Variants in AVIL observed in about 807,000 individuals in gnomAD.
AVIL encodes the protein advillin.
In AVIL, 78 loss-of-function variants were observed where a neutral mutation model predicts 109.9. That is an observed-to-expected ratio of 0.71 (90% CI 0.59 to 0.86). The LOEUF is 0.86. Ranked by LOEUF, AVIL falls within the 40% of genes least tolerant of loss-of-function variation. The pLI is 0.00. For missense variants in AVIL, 892 were observed against 1,016.5 expected (o/e 0.88, Z 1.67); for synonymous variants, 367 against 379.1 (o/e 0.97, Z 0.37).
In AVIL at chr12:57,803,599, G is replaced by C; in HGVS notation, c.1742C>G (p.Thr581Ser). ...ASLLCDGSENTVAEGQEPAEF... is the reference protein window; with the variant it reads ...ASLLCDGSENSVAEGQEPAEF... ...GGCTGGCTCCTGGCCCTCGGCCACA[G>C]TGTTCTCGCTGCCATCACAGAGAAG... The change falls in exon 15 of 20, where the codon ACT becomes AGT. Residue 581 changes from threonine (T) to serine (S), a missense_variant. Transcript: ENST00000549994. 1 of 1,614,160 alleles carries C rather than the reference G, an allele frequency of 6.2e-7. No individual in the cohort carries two copies. The highest frequency in any genetic ancestry group is 8.5e-7 in the Non-Finnish European group (1 of 1,180,032).
At position 57,803,249 on chromosome 12, in the gene AVIL, G is replaced by A; in HGVS notation, c.1960C>T (p.Gln654Ter). Reference sequence around the variant, plus strand: ...TGACTTCTGCAGCTGTGTCTTACCTGGTCCCAGGTATCTAGGAGCATCACG... The same window carrying A: ...TGACTTCTGCAGCTGTGTCTTACCTAGTCCCAGGTATCTAGGAGCATCACG... ...TDVMLLDTWDQVFLWIGAEAN... is the reference protein window; with the variant it reads ...TDVMLLDTWD The change falls in exon 16 of 20, where the codon CAG becomes TAG. Residue 654 changes from glutamine to a stop codon, truncating the protein, a stop_gained and splice_region_variant. Coordinates refer to ENST00000549994, the MANE Select transcript of AVIL (RefSeq NM_006576.4). LOFTEE classifies it high-confidence loss of function. The A allele has an allele frequency of 6.2e-7, 1 of 1,614,010 alleles. No individual in the cohort carries two copies. The highest frequency in any genetic ancestry group is 1.1e-5 in the South Asian group (1 of 91,078).
At chr12:57,800,038 ATCTT>A in intron 18 of AVIL, 118 bp from the exon 19 acceptor site, 14 of 1,328,048 alleles carry the variant, frequency 1.1e-5, no homozygotes, top group Non-Finnish European at 1.3e-5. Flanking sequence ...CTCTGTAATC[ATCTT>A]TGATAACAAT....
At chr12:57,798,259 G>A (rs973851495) in intron 19 of AVIL, among the ~76,000 whole-genome samples, 3 of 152,212 alleles carry the variant, frequency 2.0e-5, no homozygotes, top group African/African-American at 7.2e-5. Flanking sequence ...CTTGCCAGAA[G>A]GCAATAAATG....
Position 57,797,674 on chromosome 12 carries a change from A to C in AVIL, c.*208T>G. Reference sequence around the variant, plus strand: ...CTTTAGCTAGAGGGCCACAAAACCCAAAAACTATATGGTTAACATTTTAGG... The same window carrying C: ...CTTTAGCTAGAGGGCCACAAAACCCCAAAACTATATGGTTAACATTTTAGG... On this transcript the variant is annotated 3_prime_UTR_variant, in exon 20 of 20. Coordinates refer to ENST00000549994, the MANE Select transcript of AVIL (RefSeq NM_006576.4). 2 of 720,762 alleles carry C rather than the reference A, an allele frequency of 2.8e-6. No individual in the cohort carries two copies. Among genetic ancestry groups the C allele is most frequent in the Non-Finnish European group, 1.8e-6 (1 of 552,486 alleles). 44.6% of individuals were successfully genotyped at this position (720,762 alleles called of 1,614,324 possible). A position where few individuals can be genotyped will look rare whatever the true frequency, so the allele number is the denominator to read the frequency against.
rs1361311415 is a variant in AVIL at position 57,808,520 on chromosome 12, C to T, written c.968G>A (p.Ser323Asn). Residue 323 changes from serine (S) to asparagine (N), a missense_variant, in exon 10 of 20, where the codon AGC becomes AAC. Coordinates refer to ENST00000549994, the MANE Select transcript of AVIL (RefSeq NM_006576.4). ...GTTGACGGTCTCCACATTGGTGCTG[C>T]TGGGGTAGCTCTTCATCTTGATGAA... ...LGFIKMKSYP[S>N]STNVETVNDG... The T allele has an allele frequency of 6.2e-7, 1 of 1,614,022 alleles. No homozygotes were observed. The highest frequency in any genetic ancestry group is 1.3e-5 in the African/African-American group (1 of 74,910).
intron 16 of AVIL, 24 bp from the exon 17 acceptor site, chr12:57,802,372 A>G (rs368156538): frequency 6.3e-7 from 1 of 1,588,142 alleles, no homozygotes; most frequent in Non-Finnish European, 8.6e-7. Context: ...GATTTAATAT[A>G]TGTTACTGTG....
intron 19 of AVIL, among the ~76,000 whole-genome samples, chr12:57,798,866 C>T (rs1429854688): frequency 3.3e-5 from 5 of 152,128 alleles, no homozygotes; most frequent in African/African-American, 4.8e-5. Flanking sequence ...CCACCCACCT[C>T]ACCCTCCCAA....
chr12:57,803,466 A>C, intron 15 of AVIL, 58 bp downstream of exon 15: 1 of 1,613,742 alleles, frequency 6.2e-7, no homozygotes, highest in Non-Finnish European at 8.5e-7. Flanking sequence ...CCTTTGTGCA[A>C]TTCACAAGCC....
Position 57,809,866 on chromosome 12 carries a change from C to T in AVIL, c.786G>A (p.Leu262=). 1 of 1,614,190 alleles carries T rather than the reference C, an allele frequency of 6.2e-7. No individual in the cohort carries two copies. Among genetic ancestry groups the T allele is most frequent in the Non-Finnish European group, 8.5e-7 (1 of 1,180,030 alleles). Residue 262 remains leucine, a synonymous_variant, in exon 8 of 20, where the codon CTG becomes CTA. Transcript: ENST00000549994. The part of the protein sequence containing the change: ...LYHISDSAGQ[L]AVTEVATRPL... ...GCCTTGTTGCTACCTCTGTGACTGCCAGCTGCCCAGCTGAATCTGAGATAC... is the reference window on the plus strand; with the variant it reads ...GCCTTGTTGCTACCTCTGTGACTGCTAGCTGCCCAGCTGAATCTGAGATAC...
intron 16 of AVIL, 57 bp from the exon 17 acceptor site, chr12:57,802,405 A>G (rs1955868644): frequency 1.3e-6 from 2 of 1,527,366 alleles, no homozygotes; most frequent in South Asian, 1.2e-5. Context: ...ACTAAGTACT[A>G]GATCATACAC....
At chr12:57,809,919 C>T (rs773945809) in intron 7 of AVIL, 29 bp from the exon 8 acceptor site, 2 of 1,608,804 alleles carry the variant, frequency 1.2e-6, no homozygotes, top group Non-Finnish European at 8.5e-7. Context: ...TAGCCTGTGC[C>T]TTTTCCTCTA....
At chr12:57,808,849 T>C (rs973982713) in intron 9 of AVIL, 8 of 363,318 alleles carry the variant, frequency 2.2e-5, no homozygotes, top group Middle Eastern at 8.1e-4. Context: ...CACATTTGTT[T>C]GCTCATTTAT....
At chr12:57,806,156 TA>T in intron 14 of AVIL, 10 of 292,464 alleles carry the variant, frequency 3.4e-5, no homozygotes, top group South Asian at 9.0e-5. Context: ...TTTTTTTTTT[TA>T]ATATCAAACG....
At chr12:57,802,694 C>CT (rs1955875020) in intron 16 of AVIL, 1 of 617,530 alleles carries the variant, frequency 1.6e-6, no homozygotes, top group Non-Finnish European at 2.9e-6. Context: ...AAACTTGTAT[C>CT]TGAGTCTCCA....
chr12:57,809,729 G>A, intron 8 of AVIL, 34 bp from the exon 9 acceptor site: 2 of 1,613,826 alleles, frequency 1.2e-6, no homozygotes, highest in Non-Finnish European at 1.7e-6. Context: ...GGTTGCTCAA[G>A]ACCAGAAGGA....
rs1595166321 is a variant in AVIL, at chr12:57,806,703, A to G, written c.1492-164T>C. On this transcript the variant is annotated intron_variant, in intron 13 of 19. Transcript: ENST00000549994. ...GGTAAGCTGGAGTTATGTCACCGAT[A>G]ACAACAACTTTCATCCTGAGAACTT... The G allele has an allele frequency of 4.4e-6, 3 of 678,886 alleles. No homozygotes were observed. In the East Asian group the frequency reaches 8.2e-5, roughly 18 times the overall value. The allele number at this position is 678,886 out of a possible 1,614,324, so 42.1% of individuals were successfully genotyped here.
At chr12:57,810,240 A>C in intron 7 of AVIL, 109 bp downstream of exon 7, 1 of 1,212,008 alleles carries the variant, frequency 8.3e-7, no homozygotes, top group Non-Finnish European at 1.2e-6. Flanking sequence ...TAAGAAGAAA[A>C]CCAGATGGCT....
intron 4 of AVIL, 149 bp from the exon 5 acceptor site, chr12:57,811,276 G>A: frequency 1.4e-6 from 1 of 712,954 alleles, no homozygotes. Flanking sequence ...TGCCCCACAA[G>A]TAGACTGGGT....
intron 8 of AVIL, 32 bp downstream of exon 8, chr12:57,809,780 C>T: frequency 6.2e-7 from 1 of 1,613,540 alleles, no homozygotes; most frequent in Non-Finnish European, 8.5e-7. Flanking sequence ...TGTCTGGCTA[C>T]CCCAAGCTAA....
Sources: gnomAD v4.1 joint callset for allele counts (sites outside exome capture counted in the v4.1 genomes callset) on GRCh38, gnomAD v4.1.1 for gene constraint, MANE v1.5 for transcripts, NCBI Gene and HGNC (gene_info 2026-07-23, HGNC 2026-07-21) for gene names.